The following CRYGD variants were observed in gnomAD, a reference collection of about 807,000 sequenced individuals.
CRYGD encodes crystallin gamma D.
CRYGD carries 13 observed loss-of-function variants against 11.3 expected under a neutral mutation model. That is an observed-to-expected ratio of 1.15 (90% CI 0.75 to 1.83). The LOEUF (loss-of-function observed/expected upper bound fraction) is 1.83. Ranked by LOEUF, CRYGD falls within the 40% of genes most tolerant of loss-of-function variation. The pLI is 0.00. For synonymous variants in CRYGD, 77 were observed against 89.5 expected, an observed-to-expected ratio of 0.86 and a Z score of 0.79; for missense variants, 231 against 229.9, an observed-to-expected ratio of 1.00 and a Z score of -0.03.
chr2:208,121,713 G>A lies in CRYGD; in HGVS notation c.485C>T (p.Ala162Val). 6.2e-7 allele frequency: 1 copy of A among 1,613,800 alleles called. No homozygotes were observed. The highest frequency in any genetic ancestry group is 8.5e-7 in the Non-Finnish European group (1 of 1,179,772). Residue 162 changes from alanine (A) to valine (V), a missense_variant, in exon 3 of 3, where the codon GCC becomes GTC. Physicochemically the swap from Ala to Val is moderately conservative, Grantham distance 64 (BLOSUM62 0). Coordinates refer to ENST00000264376, the MANE Select transcript of CRYGD (RefSeq NM_006891.4). ...RRYQDWGATN[A>V]RVGSLRRVID... ...GACTCTCCTCAGAGAGCCCACTCTGGCATTCGTGGCCCCCCAGTCCTGGTA... is the reference window on the plus strand; with the variant it reads ...GACTCTCCTCAGAGAGCCCACTCTGACATTCGTGGCCCCCCAGTCCTGGTA...
In CRYGD at chr2:208,121,730, G is replaced by A. The variant is rs758048621; in HGVS notation, c.468C>T (p.Asp156=). ...CCACTCTGGCATTCGTGGCCCCCCAGTCCTGGTAGCGCCTATAGTCCCCTG... is the reference window on the plus strand; with the variant it reads ...CCACTCTGGCATTCGTGGCCCCCCAATCCTGGTAGCGCCTATAGTCCCCTG... ...LMPGDYRRYQ[D]WGATNARVGS... The change falls in exon 3 of 3, where the codon GAC becomes GAT. Residue 156 remains aspartate, a synonymous_variant. Transcript: ENST00000264376. 1.4e-5 allele frequency: 23 copies of A among 1,614,086 alleles called. No homozygotes were observed. The highest frequency in any genetic ancestry group is 1.9e-5 in the Non-Finnish European group (23 of 1,179,996).
Position 208,124,359 on chromosome 2 carries a change from A to T in CRYGD, c.10-5T>A. On this transcript the variant is annotated splice_polypyrimidine_tract_variant and splice_region_variant and intron_variant, in intron 1 of 2. Transcript: ENST00000264376. Reference sequence around the variant, plus strand: ...CCGGTCCTCGTAGAGGGTGATCTGCAAGGCAAGGCGGGACAAGGCGAGGTC... The same window carrying T: ...CCGGTCCTCGTAGAGGGTGATCTGCTAGGCAAGGCGGGACAAGGCGAGGTC... 7 of 1,611,606 alleles carry T rather than the reference A, an allele frequency of 4.3e-6. No individual in the cohort carries two copies. Among genetic ancestry groups the T allele is most frequent in the Non-Finnish European group, 5.9e-6 (7 of 1,179,402 alleles).
At chr2:208,122,872 TAATAA>T (rs993976123) in intron 2 of CRYGD, among the ~76,000 whole-genome samples, 1 of 148,296 alleles carries the variant, frequency 6.7e-6, no homozygotes, top group African/African-American at 2.5e-5. Context: ...TAATAATAAA[TAATAA>T]AATAAAATAA....
At position 208,124,350 on chromosome 2, in the gene CRYGD, G is replaced by C; in HGVS notation, c.14C>G (p.Thr5Ser). MGKI[T>S]LYEDRGFQGR... is the part of the protein sequence containing the mutation. Reference sequence around the variant, plus strand: ...CTGGAAGCCCCGGTCCTCGTAGAGGGTGATCTGCAAGGCAAGGCGGGACAA... The same window carrying C: ...CTGGAAGCCCCGGTCCTCGTAGAGGCTGATCTGCAAGGCAAGGCGGGACAA... The change falls in exon 2 of 3, where the codon ACC (threonine) becomes AGC (serine). Residue 5 changes from threonine to serine, a missense_variant. Transcript: ENST00000264376. 3 of 1,611,478 alleles carry C rather than the reference G, an allele frequency of 1.9e-6. No homozygotes were observed. The highest frequency in any genetic ancestry group is 2.5e-6 in the Non-Finnish European group (3 of 1,179,374).
At chr2:208,123,124 A>G (rs1390236902) in intron 2 of CRYGD, among the ~76,000 whole-genome samples, 1 of 147,546 alleles carries the variant, frequency 6.8e-6, no homozygotes, top group Non-Finnish European at 1.5e-5. Context: ...TAAATGAAAT[A>G]TATTAAAAAT....
intron 2 of CRYGD, among the ~76,000 whole-genome samples, 154 bp downstream of exon 2, chr2:208,123,958 G>A (rs746761966): frequency 4.6e-5 from 7 of 152,120 alleles, no homozygotes; most frequent in Non-Finnish European, 1.0e-4. Context: ...TTGCTTATGT[G>A]GGGAGCAAAC....
chr2:208,123,943 A>G (rs912603041), intron 2 of CRYGD, among the ~76,000 whole-genome samples, 169 bp downstream of exon 2: 2 of 152,224 alleles, frequency 1.3e-5, no homozygotes, highest in Non-Finnish European at 2.9e-5. Context: ...TGTCTGGGTA[A>G]TACTTTGCTT....
At chr2:208,122,661 A>G (rs1052532252) in intron 2 of CRYGD, among the ~76,000 whole-genome samples, 7 of 150,544 alleles carry the variant, frequency 4.6e-5, no homozygotes, top group African/African-American at 1.7e-4. Flanking sequence ...TCAGGAGTTC[A>G]AGACCAGCCT....
In CRYGD at chr2:208,124,369, G is replaced by C; in HGVS notation, c.10-15C>G. 6.2e-7 allele frequency: 1 copy of C among 1,610,996 alleles called. No individual in the cohort carries two copies. Among genetic ancestry groups the C allele is most frequent in the Non-Finnish European group, 8.5e-7 (1 of 1,179,146 alleles). On this transcript the variant is annotated splice_polypyrimidine_tract_variant and intron_variant, in intron 1 of 2. Coordinates refer to ENST00000264376, the MANE Select transcript of CRYGD (RefSeq NM_006891.4). The stretch of plus-strand genomic sequence containing the variant: ...TAGAGGGTGATCTGCAAGGCAAGGC[G>C]GGACAAGGCGAGGTCTCACAGGCCT...
At chr2:208,122,218 G>A (rs1231506666) in intron 2 of CRYGD, among the ~76,000 whole-genome samples, 1 of 151,824 alleles carries the variant, frequency 6.6e-6, no homozygotes, top group African/African-American at 2.4e-5. Context: ...CCTAGGCTCA[G>A]TATCCTGTAC....
chr2:208,122,856 A>T lies in CRYGD; in HGVS notation c.253-911T>A, dbSNP rs565100495. 4.1e-4 allele frequency among the ~76,000 whole-genome samples: 62 copies of T among 150,430 alleles called. No homozygotes were observed. The South Asian group carries it at 5.0e-3, about 12-fold the overall frequency. On this transcript the variant is annotated intron_variant, in intron 2 of 2. Coordinates refer to ENST00000264376, the MANE Select transcript of CRYGD (RefSeq NM_006891.4). ...GAACAGAGCAAGACTTCGTCAAAAA[A>T]AATAATAATAATAAATAATAAAATA...
chr2:208,123,571 G>A (rs899621575), intron 2 of CRYGD, among the ~76,000 whole-genome samples: 2 of 152,012 alleles, frequency 1.3e-5, no homozygotes, highest in African/African-American at 4.8e-5. Flanking sequence ...AGAAACATCA[G>A]TAAGTCCAAG....
chr2:208,124,302 C>T lies in CRYGD; in HGVS notation c.62G>A (p.Ser21Asn), dbSNP rs1559318569. ...GTAGGGCTGCAGGTTGGGGTGGTCG[C>T]TGCTGCATTCATAGTGGCGGCCCTG... ...GFQGRHYECS[S>N]DHPNLQPYLS... The change falls in exon 2 of 3, where the codon AGC becomes AAC. Residue 21 changes from serine (S) to asparagine (N), a missense_variant. Coordinates refer to ENST00000264376, the MANE Select transcript of CRYGD (RefSeq NM_006891.4). The T allele has an allele frequency of 3.7e-6, 6 of 1,610,790 alleles. No individual in the cohort carries two copies. The highest frequency in any genetic ancestry group is 5.1e-6 in the Non-Finnish European group (6 of 1,178,938).
At chr2:208,123,211 A>G (rs1486257335) in intron 2 of CRYGD, among the ~76,000 whole-genome samples, 1 of 147,244 alleles carries the variant, frequency 6.8e-6, no homozygotes, top group Non-Finnish European at 1.5e-5. Context: ...AATATATTAA[A>G]TACATATTTA....
chr2:208,124,404 C>T (rs1694938776), intron 1 of CRYGD, 50 bp from the exon 2 acceptor site: 2 of 1,604,056 alleles, frequency 1.2e-6, no homozygotes, highest in South Asian at 2.2e-5. Context: ...TGCTCCTGCC[C>T]CAGTCTCTGG....
intron 2 of CRYGD, 113 bp from the exon 3 acceptor site, chr2:208,122,058 T>C (rs1694875673): frequency 7.0e-7 from 1 of 1,423,716 alleles, no homozygotes; most frequent in Non-Finnish European, 9.7e-7. Context: ...AAATACATGG[T>C]AAAATTTAAT....
At chr2:208,122,082 T>G in intron 2 of CRYGD, 137 bp from the exon 3 acceptor site, 1 of 1,237,126 alleles carries the variant, frequency 8.1e-7, no homozygotes, top group East Asian at 2.5e-5. Flanking sequence ...TTCTGAATAT[T>G]TATAAACTCC....
At chr2:208,123,079 C>T (rs1574545891) in intron 2 of CRYGD, among the ~76,000 whole-genome samples, 1 of 146,274 alleles carries the variant, frequency 6.8e-6, no homozygotes, top group Non-Finnish European at 1.5e-5. Flanking sequence ...AACAAAACAA[C>T]AACAACAAAA....
At position 208,121,754 on chromosome 2, in the gene CRYGD, T is replaced by G. The variant is rs1385640501; in HGVS notation, c.444A>C (p.Pro148=). Residue 148 remains proline, a synonymous_variant, in exon 3 of 3, where the codon CCA becomes CCC. Coordinates refer to ENST00000264376, the MANE Select transcript of CRYGD (RefSeq NM_006891.4). ...AGTCCTGGTAGCGCCTATAGTCCCC[T>G]GGCATCAGCAGGTACTGCCGTCCTC... is the stretch of plus-strand genomic sequence containing the variant. The part of the protein sequence containing the change: ...NYRGRQYLLM[P]GDYRRYQDWG... The G allele has an allele frequency of 6.2e-7, 1 of 1,614,152 alleles. No individual in the cohort carries two copies. Among genetic ancestry groups the G allele is most frequent in the Non-Finnish European group, 8.5e-7 (1 of 1,180,038 alleles).
Sources: allele counts gnomAD v4.1 joint callset (sites outside exome capture counted in the v4.1 genomes callset), GRCh38; gene constraint gnomAD v4.1.1; transcripts MANE v1.5; gene names NCBI Gene and HGNC (gene_info 2026-07-23, HGNC 2026-07-21).